SNPH: variants seen among roughly 807,000 people sequenced by gnomAD.
SNPH encodes the protein syntaphilin.
In SNPH, 10 loss-of-function variants were observed where a neutral mutation model predicts 36.8. The observed-to-expected ratio is 0.27, with a 90% CI of 0.17 to 0.46. The LOEUF is 0.46. Among genes scored for constraint, SNPH ranks in the 20% least tolerant of loss-of-function variants. The pLI, the probability that SNPH is intolerant of heterozygous loss-of-function variation, is 1.00. For synonymous variants in SNPH, 281 were observed against 312.2 expected (o/e 0.90, Z 1.05); for missense variants, 622 against 744.0 (o/e 0.84, Z 1.91).
rs752933403 is a variant in SNPH, at chr20:1,305,986, C to T, written c.1549C>T (p.Arg517Cys). The part of the protein sequence containing the change: ...GCCTVALHSI[R>C]RISCRSLSQP... ...CTGCACTGTGGCCTTGCACTCCATC[C>T]GCAGGATCAGCTGCCGCTCGCTGAG... Residue 517 changes from arginine to cysteine, a missense_variant, in exon 7 of 7, where the codon CGC becomes TGC. This residue lies in a region of SNPH where 379 missense variants were observed against 427.9 expected (regional missense o/e 0.89). Transcript: ENST00000381867. The T allele has an allele frequency of 5.2e-6, 8 of 1,542,888 alleles. No individual in the cohort carries two copies. The highest frequency in any genetic ancestry group is 1.2e-5 in the South Asian group (1 of 83,776).
At chr20:1,289,356 A>C (rs1256982248) in intron 2 of SNPH, among the ~76,000 whole-genome samples, 1 of 152,142 alleles carries the variant, frequency 6.6e-6, no homozygotes, top group Non-Finnish European at 1.5e-5. Context: ...CCCAAAGTCT[A>C]GGGAAGCATC....
chr20:1,279,996 C>T (rs974532101), intron 2 of SNPH, among the ~76,000 whole-genome samples: 1 of 152,184 alleles, frequency 6.6e-6, no homozygotes, highest in Non-Finnish European at 1.5e-5. Flanking sequence ...AGTGCCAATG[C>T]CATCAAAAGG....
chr20:1,300,229 C>T (rs1469933554), intron 5 of SNPH, among the ~76,000 whole-genome samples: 2 of 152,218 alleles, frequency 1.3e-5, no homozygotes, highest in Non-Finnish European at 2.9e-5. Flanking sequence ...ACAGTCCCTA[C>T]TTCAGGGCTG....
At chr20:1,295,354 C>A (rs890685230) in intron 3 of SNPH, among the ~76,000 whole-genome samples, 2 of 152,176 alleles carry the variant, frequency 1.3e-5, no homozygotes, top group Non-Finnish European at 2.9e-5. Context: ...CCTAAGGACT[C>A]GGGGGCAGGA....
In SNPH at chr20:1,266,786, A is replaced by G; in HGVS notation, c.-493+26A>G. ...GTGAGGAGGCCGCGGCGGAGCGGGG[A>G]GCTGGCCCTGCGCTGCACCGCGGCA... is the stretch of plus-strand genomic sequence containing the variant. On this transcript the variant is annotated intron_variant, in intron 2 of 6. Coordinates refer to ENST00000381867, the MANE Select transcript of SNPH (RefSeq NM_001318234.2). This position sits in a 1 kb window ranked among gnomAD's most constrained non-coding sequence, Gnocchi z 6.0. The G allele has an allele frequency of 7.5e-7, 1 of 1,340,014 alleles. No individual in the cohort carries two copies. Among genetic ancestry groups the G allele is most frequent in the Non-Finnish European group, 9.6e-7 (1 of 1,046,640 alleles). 83.0% of individuals were successfully genotyped at this position (1,340,014 alleles called of 1,614,324 possible). A position where few individuals can be genotyped will look rare whatever the true frequency, so the allele number is the denominator to read the frequency against.
At position 1,305,816 on chromosome 20, in the gene SNPH, A is replaced by C; in HGVS notation, c.1379A>C (p.Glu460Ala). 6.3e-7 allele frequency: 1 copy of C among 1,583,066 alleles called. No individual in the cohort carries two copies. Among genetic ancestry groups the C allele is most frequent in the Non-Finnish European group, 8.6e-7 (1 of 1,164,586 alleles). ...GAGGAGGCTGCCGTGGCTGAGAAGGAGCCCAAGAGCTACTGGAGCCGCCAC... is the reference window on the plus strand; with the variant it reads ...GAGGAGGCTGCCGTGGCTGAGAAGGCGCCCAAGAGCTACTGGAGCCGCCAC... ...EEEEAAVAEK[E>A]PKSYWSRHYI... The change falls in exon 7 of 7, where the codon GAG becomes GCG. Residue 460 changes from glutamate (E) to alanine (A), a missense_variant. Around this residue, in one of 3 missense-constraint regions of SNPH, gnomAD observed 379 missense variants for 427.9 expected, o/e 0.89. Coordinates refer to ENST00000381867, the MANE Select transcript of SNPH (RefSeq NM_001318234.2).
chr20:1,305,442 C>T lies in SNPH; in HGVS notation c.1005C>T (p.Asn335=). ...TGGGCCCCCGCTTCCCTGCCAGCAA[C>T]ACCTATGAGAAGCTGCTGTGTGGCA... ...FGLGPRFPAS[N]TYEKLLCGME... The change falls in exon 7 of 7, where the codon AAC becomes AAT. Residue 335 remains asparagine, a synonymous_variant. Transcript: ENST00000381867. 1 of 1,613,250 alleles carries T rather than the reference C, an allele frequency of 6.2e-7. No individual in the cohort carries two copies. Among genetic ancestry groups the T allele is most frequent in the South Asian group, 1.1e-5 (1 of 91,092 alleles).
At chr20:1,278,695 T>C (rs1222015173) in intron 2 of SNPH, among the ~76,000 whole-genome samples, 1 of 152,248 alleles carries the variant, frequency 6.6e-6, no homozygotes, top group Non-Finnish European at 1.5e-5. Flanking sequence ...TTTTTTTCTT[T>C]TTTGTTGAGA....
intron 2 of SNPH, among the ~76,000 whole-genome samples, chr20:1,271,255 A>G (rs7265362): frequency 0.17 from 25,807 of 152,102 alleles, 2,214 homozygotes; most frequent in African/African-American, 0.19. Context: ...GCTTTTCCAC[A>G]CCTGCAAAAT....
In SNPH at chr20:1,276,696, C is replaced by G. The variant is rs1388823617; in HGVS notation, c.-493+9936C>G. ...TTTCATCCGTGTTGTATAGGAATCA[C>G]TTTATAACTTCCCTACTTTCCCAAA... On this transcript the variant is annotated intron_variant, in intron 2 of 6. Coordinates refer to ENST00000381867, the MANE Select transcript of SNPH (RefSeq NM_001318234.2). This position sits in a 1 kb window ranked among gnomAD's most constrained non-coding sequence, Gnocchi z 4.6. 6.6e-6 allele frequency among the ~76,000 whole-genome samples: 1 copy of G among 152,202 alleles called. No individual in the cohort carries two copies. Among genetic ancestry groups the G allele is most frequent in the African/African-American group, 2.4e-5 (1 of 41,430 alleles).
chr20:1,303,499 C>T (rs943974910), intron 6 of SNPH, among the ~76,000 whole-genome samples: 8 of 152,214 alleles, frequency 5.3e-5, no homozygotes, highest in Admixed American at 3.3e-4. Flanking sequence ...AGAGTGGGCC[C>T]CCCACCTGGA....
In SNPH at chr20:1,307,195, T is replaced by C. The variant is rs892659165; in HGVS notation, c.*1141T>C. 5 of 152,348 alleles carry C rather than the reference T, an allele frequency of 3.3e-5. No individual in the cohort carries two copies. The highest frequency in any genetic ancestry group is 1.2e-4 in the African/African-American group (5 of 41,362). The allele number at this position is 152,348 out of a possible 1,614,324, so 9.4% of individuals were successfully genotyped here. ...AAACCTCTCTGCCTCTGGAGGAGGG[T>C]GGGGTATTCTGGCAGGATGAATCGC... On this transcript the variant is annotated 3_prime_UTR_variant, in exon 7 of 7. Coordinates refer to ENST00000381867, the MANE Select transcript of SNPH (RefSeq NM_001318234.2).
chr20:1,298,794 T>C (rs2088469649), intron 5 of SNPH, among the ~76,000 whole-genome samples: 1 of 143,914 alleles, frequency 6.9e-6, no homozygotes, highest in Non-Finnish European at 1.5e-5. Flanking sequence ...CAGCGTATTT[T>C]TTTTCTAATT....
In SNPH at chr20:1,296,493, G is replaced by A. The variant is rs368023137; in HGVS notation, c.182+72G>A. ...AGGGCGCACGGGCCTCTCTCTACCT[G>A]CCACCAACTTGCAGTATGTGTTTGA... On this transcript the variant is annotated intron_variant, in intron 4 of 6. Transcript: ENST00000381867. 4,545 of 1,321,624 alleles carry A rather than the reference G, an allele frequency of 3.4e-3. 17 individuals carry two copies. The highest frequency in any genetic ancestry group is 4.0e-3 in the Non-Finnish European group (3,765 of 952,522). 81.9% of individuals were successfully genotyped at this position (1,321,624 alleles called of 1,614,324 possible).
Position 1,276,478 on chromosome 20 carries a change from A to C in SNPH, c.-493+9718A>C, listed in dbSNP as rs1196452906. Among the ~76,000 whole-genome samples, 1 of 152,186 alleles carries C rather than the reference A, an allele frequency of 6.6e-6. No individual in the cohort carries two copies. The highest frequency in any genetic ancestry group is 1.5e-5 in the Non-Finnish European group (1 of 68,040). On this transcript the variant is annotated intron_variant, in intron 2 of 6. Coordinates refer to ENST00000381867, the MANE Select transcript of SNPH (RefSeq NM_001318234.2). The surrounding 1 kb of genome is among the most constrained non-coding windows in gnomAD (Gnocchi z 4.6). ...CCGTGGACTGACTTTGTGACTGGGC[A>C]AGTCACTTAATTTATCTGACCCTTA...
chr20:1,304,727 G>A lies in SNPH; in HGVS notation c.441-151G>A. 1.5e-6 allele frequency: 1 copy of A among 663,044 alleles called. No homozygotes were observed. The highest frequency in any genetic ancestry group is 1.9e-5 in the South Asian group (1 of 53,014). The allele number at this position is 663,044 out of a possible 1,614,324, so 41.1% of individuals were successfully genotyped here. A position where few individuals can be genotyped will look rare whatever the true frequency, so the allele number is the denominator to read the frequency against. ...CTCTCACTCCCCACTATAATAAGAA[G>A]GCATTGAGTTTGTCCTTCTGTTTTG... On this transcript the variant is annotated intron_variant, in intron 6 of 6. Transcript: ENST00000381867. The surrounding 1 kb of genome is among the most constrained non-coding windows in gnomAD (Gnocchi z 4.3).
At chr20:1,290,817 C>T (rs1233703461) in intron 2 of SNPH, among the ~76,000 whole-genome samples, 3 of 152,216 alleles carry the variant, frequency 2.0e-5, no homozygotes, top group African/African-American at 7.2e-5. Context: ...ACCAGCAATA[C>T]ATGAGAGTTC....
chr20:1,270,491 T>C (rs2088059769), intron 2 of SNPH, among the ~76,000 whole-genome samples: 1 of 152,120 alleles, frequency 6.6e-6, no homozygotes, highest in South Asian at 2.1e-4. Context: ...ATAATAATAG[T>C]AAAGGGTTCT....
chr20:1,307,313 A>T lies in SNPH; in HGVS notation c.*1259A>T, dbSNP rs1026141395. ...TAGGCAGGGGCGTGGCAGAGCAGGT[A>T]GGCGCCCTGCAGCCTCCCTGCTCCC... On this transcript the variant is annotated 3_prime_UTR_variant, in exon 7 of 7. Transcript: ENST00000381867. 6.6e-6 allele frequency: 1 copy of T among 152,208 alleles called. No individual in the cohort carries two copies. The highest frequency in any genetic ancestry group is 1.5e-5 in the Non-Finnish European group (1 of 68,052). 9.4% of individuals were successfully genotyped at this position (152,208 alleles called of 1,614,324 possible).
Sources: allele counts gnomAD v4.1 joint callset (sites outside exome capture counted in the v4.1 genomes callset), GRCh38; gene constraint gnomAD v4.1.1; regional missense constraint gnomAD v4.1.1; non-coding constraint Gnocchi (gnomAD v3.1); transcripts MANE v1.5; gene names NCBI Gene and HGNC (gene_info 2026-07-23, HGNC 2026-07-21).